Variants in AGBL4 observed in about 807,000 individuals in gnomAD.
AGBL4 encodes cytosolic carboxypeptidase 6.
AGBL4 carries 58 observed loss-of-function variants against 66.4 expected under a neutral mutation model. The observed-to-expected ratio is 0.87, with a 90% confidence interval of 0.71 to 1.09. The LOEUF is 1.09. Ranked by LOEUF, AGBL4 falls within the 50% of genes least tolerant of loss-of-function variation. The pLI is 0.00. For missense variants in AGBL4, 579 were observed against 631.0 expected (o/e 0.92, Z 0.88); for synonymous variants, 234 against 222.9 (o/e 1.05, Z -0.44).
intron 6 of AGBL4, among the ~76,000 whole-genome samples, chr1:48,676,816 C>T (rs1279826241): frequency 6.6e-6 from 1 of 152,190 alleles, no homozygotes; most frequent in Non-Finnish European, 1.5e-5. Flanking sequence ...TGTAAAAATA[C>T]TGATGCCCAG....
chr1:48,952,559 T>G (rs1346652059), intron 5 of AGBL4, among the ~76,000 whole-genome samples: 2 of 152,346 alleles, frequency 1.3e-5, no homozygotes, highest in South Asian at 2.1e-4. Flanking sequence ...GGAATGAATG[T>G]TCATATTCTC....
chr1:50,013,001 T>A (rs1180011212), intron 1 of AGBL4, among the ~76,000 whole-genome samples: 1 of 152,172 alleles, frequency 6.6e-6, no homozygotes, highest in African/African-American at 2.4e-5. Context: ...ACAACACCCA[T>A]TGTCTCAGAA....
chr1:48,572,007 G>T (rs1227668300), intron 11 of AGBL4, among the ~76,000 whole-genome samples: 1 of 152,170 alleles, frequency 6.6e-6, no homozygotes, highest in Non-Finnish European at 1.5e-5. Context: ...CCCAATTTAT[G>T]AAAAGCTCAA....
chr1:48,863,668 T>C (rs7520248), intron 6 of AGBL4, among the ~76,000 whole-genome samples: 135,222 of 152,060 alleles, frequency 0.89, 60,721 homozygotes, highest in Non-Finnish European at 0.96. Context: ...TATAGTAAAA[T>C]TGATAGATGA....
At chr1:48,783,741 T>C (rs183929323) in intron 6 of AGBL4, among the ~76,000 whole-genome samples, 19 of 152,200 alleles carry the variant, frequency 1.2e-4, no homozygotes, top group African/African-American at 3.9e-4. Flanking sequence ...CTGATTCAAT[T>C]GGTTTGGGAT....
intron 6 of AGBL4, among the ~76,000 whole-genome samples, chr1:48,803,502 T>G (rs1274428036): frequency 6.6e-6 from 1 of 152,238 alleles, no homozygotes; most frequent in African/African-American, 2.4e-5. Flanking sequence ...CAATTTTTCT[T>G]TGTAATTGAT....
At chr1:48,523,139 T>TCTC in the AGBL4 span, among the ~76,000 whole-genome samples, 1 of 152,074 alleles carries the variant, frequency 6.6e-6, no homozygotes, top group Non-Finnish European at 1.5e-5. Context: ...AAACTGAGGC[T>TCTC]TAGAGAGGGA....
chr1:49,743,477 T>C (rs1435901285), intron 2 of AGBL4, among the ~76,000 whole-genome samples: 1 of 152,186 alleles, frequency 6.6e-6, no homozygotes, highest in Non-Finnish European at 1.5e-5. Context: ...AGTTCAACCA[T>C]TGTGGAAGTT....
intron 6 of AGBL4, among the ~76,000 whole-genome samples, chr1:48,794,371 C>T (rs1323660559): frequency 1.3e-5 from 2 of 152,150 alleles, no homozygotes; most frequent in African/African-American, 2.4e-5. Context: ...ACAATGGCCA[C>T]CTCAAAACCC....
At chr1:48,670,773 C>T (rs538630407) in intron 6 of AGBL4, among the ~76,000 whole-genome samples, 4 of 152,352 alleles carry the variant, frequency 2.6e-5, no homozygotes, top group African/African-American at 9.6e-5. Context: ...CCTACAAACA[C>T]CTCCAGAAAG....
At chr1:49,368,073 A>C (rs1218743122) in intron 3 of AGBL4, among the ~76,000 whole-genome samples, 1 of 152,156 alleles carries the variant, frequency 6.6e-6, no homozygotes, top group African/African-American at 2.4e-5. Flanking sequence ...GGGTTCATTC[A>C]TGTTGTAGCA....
chr1:49,652,851 C>T (rs765220167), intron 3 of AGBL4, among the ~76,000 whole-genome samples: 2 of 152,120 alleles, frequency 1.3e-5, no homozygotes, highest in South Asian at 2.1e-4. Context: ...GGAAGAGGGG[C>T]GGCTGCAGTA....
intron 2 of AGBL4, among the ~76,000 whole-genome samples, chr1:49,778,996 T>A (rs1644269422): frequency 6.6e-6 from 1 of 152,092 alleles, no homozygotes; most frequent in East Asian, 1.9e-4. Context: ...TGGAAAAAAA[T>A]TTATACTCAG....
chr1:49,727,183 T>C (rs1448190346), intron 2 of AGBL4, among the ~76,000 whole-genome samples: 1 of 152,132 alleles, frequency 6.6e-6, no homozygotes, highest in Admixed American at 6.6e-5. Flanking sequence ...ATTAATGACA[T>C]ATTAATGATA....
chr1:48,610,743 C>T (rs1016128721), intron 9 of AGBL4, among the ~76,000 whole-genome samples: 7 of 152,104 alleles, frequency 4.6e-5, no homozygotes, highest in Non-Finnish European at 1.5e-5. Context: ...TTTACTTTCC[C>T]AGTGGAATCA....
intron 3 of AGBL4, among the ~76,000 whole-genome samples, chr1:49,331,662 A>T (rs1459238598): frequency 1.3e-5 from 2 of 152,076 alleles, no homozygotes; most frequent in Non-Finnish European, 1.5e-5. Context: ...TCTCCCTGGG[A>T]CGGAGAGCCC....
intron 4 of AGBL4, among the ~76,000 whole-genome samples, chr1:49,053,755 T>C (rs1644261985): frequency 6.6e-6 from 1 of 152,160 alleles, no homozygotes; most frequent in Non-Finnish European, 1.5e-5. Flanking sequence ...ACTACAAAAG[T>C]GTATGTTTTA....
intron 5 of AGBL4, among the ~76,000 whole-genome samples, chr1:48,969,192 A>G (rs985737873): frequency 6.7e-6 from 1 of 148,810 alleles, no homozygotes; most frequent in African/African-American, 2.5e-5. Flanking sequence ...TTTGGTCTGC[A>G]TAAGGCACCT....
chr1:48,628,725 T>C (rs1645544551), intron 9 of AGBL4, among the ~76,000 whole-genome samples: 1 of 151,920 alleles, frequency 6.6e-6, no homozygotes. Flanking sequence ...TCCCTATAAC[T>C]TCCCTTCTCT....
Sources: allele counts gnomAD v4.1 joint callset (sites outside exome capture counted in the v4.1 genomes callset), GRCh38; gene constraint gnomAD v4.1.1; transcripts MANE v1.5; gene names NCBI Gene and HGNC (gene_info 2026-07-23, HGNC 2026-07-21).